The following KLRD1 variants were observed in gnomAD, a reference collection of about 807,000 sequenced individuals.
KLRD1 encodes the protein natural killer cells antigen CD94.
KLRD1 carries 21 observed loss-of-function variants against 22.6 expected under a neutral mutation model. The observed-to-expected ratio is 0.93, with a 90% CI of 0.66 to 1.34. KLRD1 has a LOEUF of 1.34. KLRD1 is among the 40% of genes most tolerant of loss of function. KLRD1 has a pLI of 0.00. For missense variants in KLRD1, 183 were observed against 208.6 expected (o/e 0.88, Z 0.76); for synonymous variants, 59 against 71.1 (o/e 0.83, Z 0.85).
chr12:10,323,973 T>C lies in KLRD1; in HGVS notation c.*9180T>C, dbSNP rs2137752192. ...ACCACCTGGGTTCAAGTTATTCTCA[T>C]GCCTCAGCCTCCCCAGTAGCCGAGA... On this transcript the variant is annotated 3_prime_UTR_variant, in exon 6 of 6. Transcript: ENST00000336164. 6.6e-6 allele frequency: 1 copy of C among 151,090 alleles called. No homozygotes were observed. The highest frequency in any genetic ancestry group is 2.4e-5 in the African/African-American group (1 of 41,302). The allele number at this position is 151,090 out of a possible 1,614,324, so 9.4% of individuals were successfully genotyped here.
intron 4 of KLRD1, among the ~76,000 whole-genome samples, chr12:10,312,057 T>C (rs1412975903): frequency 4.0e-5 from 6 of 148,784 alleles, no homozygotes; most frequent in Non-Finnish European, 6.0e-5. Context: ...TTTTCTTTTT[T>C]TTTTTTTTTT....
In KLRD1 at chr12:10,326,913, T is replaced by G. The variant is rs1950366745; in HGVS notation, c.*12120T>G. Reference sequence around the variant, plus strand: ...TGATGCGAACAAGCTGTTTGTTTGCTATAGTCCTACTTGTCTATTCTTGCT... The same window carrying G: ...TGATGCGAACAAGCTGTTTGTTTGCGATAGTCCTACTTGTCTATTCTTGCT... On this transcript the variant is annotated 3_prime_UTR_variant, in exon 6 of 6. Transcript: ENST00000336164. The G allele has an allele frequency of 6.6e-6, 1 of 152,234 alleles. No homozygotes were observed. The allele number at this position is 152,234 out of a possible 1,614,324, so 9.4% of individuals were successfully genotyped here. A position where few individuals can be genotyped will look rare whatever the true frequency, so the allele number is the denominator to read the frequency against.
intron 1 of KLRD1, among the ~76,000 whole-genome samples, chr12:10,243,607 C>CAAAAAAAAAA (rs34864670): frequency 3.1e-4 from 9 of 28,802 alleles, no homozygotes; most frequent in East Asian, 1.5e-3. Context: ...AGTGAGACTC[C>CAAAAAAAAAA]AAAAAAAAAA....
At chr12:10,309,288 G>T in intron 1 of KLRD1, 100 bp from the exon 2 acceptor site, 1 of 687,578 alleles carries the variant, frequency 1.5e-6, no homozygotes, top group Non-Finnish European at 2.6e-6. Context: ...GTTATCAAAT[G>T]AAAGAATGTT....
At chr12:10,268,391 A>C (rs1364748264) in intron 1 of KLRD1, among the ~76,000 whole-genome samples, 1 of 152,230 alleles carries the variant, frequency 6.6e-6, no homozygotes, top group African/African-American at 2.4e-5. Context: ...AGTGTTTGAA[A>C]GTAATGTACC....
At position 10,327,916 on chromosome 12, in the gene KLRD1, T is replaced by A. The variant is rs578258986; in HGVS notation, c.*13123T>A. 1 of 152,212 alleles carries A rather than the reference T, an allele frequency of 6.6e-6. No homozygotes were observed. The highest frequency in any genetic ancestry group is 1.5e-5 in the Non-Finnish European group (1 of 68,024). 9.4% of individuals were successfully genotyped at this position (152,212 alleles called of 1,614,324 possible). On this transcript the variant is annotated 3_prime_UTR_variant, in exon 6 of 6. Coordinates refer to ENST00000336164, the MANE Select transcript of KLRD1 (RefSeq NM_002262.5). ...AACTTTTTTTCTGAATCTATTGAGATGCACAGGTGACATTTATCCTTCATT... is the reference window on the plus strand; with the variant it reads ...AACTTTTTTTCTGAATCTATTGAGAAGCACAGGTGACATTTATCCTTCATT...
At chr12:10,295,253 T>G (rs34282122) in intron 1 of KLRD1, among the ~76,000 whole-genome samples, 11,301 of 152,268 alleles carry the variant, frequency 0.074, 494 homozygotes, top group East Asian at 0.17. Flanking sequence ...CAAGTCCTAT[T>G]TATCCTACGA....
At chr12:10,260,963 A>ACC (rs748208860) in intron 1 of KLRD1, among the ~76,000 whole-genome samples, 1 of 30,494 alleles carries the variant, frequency 3.3e-5, no homozygotes, top group African/African-American at 4.8e-5. Context: ...ACAACAAAAA[A>ACC]CCAAAAAAAA....
intron 1 of KLRD1, among the ~76,000 whole-genome samples, chr12:10,244,091 G>A (rs1480344864): frequency 6.6e-6 from 1 of 152,040 alleles, no homozygotes; most frequent in Admixed American, 6.6e-5. Context: ...TGGCAAATAG[G>A]TCACTTGTTG....
At chr12:10,280,232 T>C (rs956039176) in intron 1 of KLRD1, among the ~76,000 whole-genome samples, 2 of 152,182 alleles carry the variant, frequency 1.3e-5, no homozygotes, top group African/African-American at 4.8e-5. Flanking sequence ...ATTAACCAGA[T>C]GCCTGATGTT....
chr12:10,259,835 A>G (rs1949431492), intron 1 of KLRD1, among the ~76,000 whole-genome samples: 2 of 152,158 alleles, frequency 1.3e-5, no homozygotes. Context: ...GCGTTTTGGC[A>G]CATGCCTGTA....
At chr12:10,250,180 C>T (rs760963511) in intron 1 of KLRD1, among the ~76,000 whole-genome samples, 2 of 146,568 alleles carry the variant, frequency 1.4e-5, no homozygotes, top group Non-Finnish European at 3.0e-5. Flanking sequence ...TACCATTTCC[C>T]AAGGTGGTGA....
At chr12:10,248,611 T>C (rs1949316649) in intron 1 of KLRD1, among the ~76,000 whole-genome samples, 1 of 147,562 alleles carries the variant, frequency 6.8e-6, no homozygotes, top group African/African-American at 2.5e-5. Context: ...TTCTTTCTTT[T>C]TTTTTTTTCA....
intron 1 of KLRD1, among the ~76,000 whole-genome samples, chr12:10,257,038 G>A (rs1318972359): frequency 2.0e-5 from 3 of 151,258 alleles, no homozygotes; most frequent in Admixed American, 6.6e-5. Flanking sequence ...CTGCCTTGTG[G>A]CCTCCAAAGC....
At chr12:10,246,818 A>G (rs2137614683) in intron 1 of KLRD1, among the ~76,000 whole-genome samples, 1 of 152,260 alleles carries the variant, frequency 6.6e-6, no homozygotes, top group East Asian at 1.9e-4. Flanking sequence ...CTGAATTCAA[A>G]TAATGAACCA....
chr12:10,263,770 G>T (rs1949475312), intron 1 of KLRD1, among the ~76,000 whole-genome samples: 1 of 152,046 alleles, frequency 6.6e-6, no homozygotes, highest in Admixed American at 6.6e-5. Flanking sequence ...AATGTCATAA[G>T]TATTGCTGAG....
At position 10,324,752 on chromosome 12, in the gene KLRD1, AT is replaced by A. The variant is rs1166236623; in HGVS notation, c.*9963del. On this transcript the variant is annotated 3_prime_UTR_variant, in exon 6 of 6. Transcript: ENST00000336164. The stretch of plus-strand genomic sequence containing the variant: ...TCTATTGTTTTTAAAGCTATTATAC[AT>A]TTTATTTTCTAATTTCAAATGTTTT... 2.0e-5 allele frequency: 3 copies of A among 147,276 alleles called. No individual in the cohort carries two copies. Among genetic ancestry groups the A allele is most frequent in the Admixed American group, 1.4e-4 (2 of 14,618 alleles). The allele number at this position is 147,276 out of a possible 1,614,324, so 9.1% of individuals were successfully genotyped here. A position where few individuals can be genotyped will look rare whatever the true frequency, so the allele number is the denominator to read the frequency against.
chr12:10,241,344 T>A (rs1172930934), intron 1 of KLRD1, among the ~76,000 whole-genome samples: 1 of 152,158 alleles, frequency 6.6e-6, no homozygotes, highest in African/African-American at 2.4e-5. Flanking sequence ...ATGAATAAAC[T>A]CAGGAGGGGA....
upstream of KLRD1, among the ~76,000 whole-genome samples, chr12:10,302,537 G>C (rs2137678240): frequency 6.6e-6 from 1 of 152,226 alleles, no homozygotes; most frequent in African/African-American, 2.4e-5. Context: ...TGTCCTACTT[G>C]GTAGAACTGG....
Sources: allele counts gnomAD v4.1 joint callset (sites outside exome capture counted in the v4.1 genomes callset), GRCh38; gene constraint gnomAD v4.1.1; transcripts MANE v1.5; gene names NCBI Gene and HGNC (gene_info 2026-07-23, HGNC 2026-07-21).